Variants in GAREM1 observed in about 807,000 individuals in gnomAD.
The protein encoded by GAREM1 is GRB2-associated and regulator of MAPK protein 1.
In GAREM1, 26 loss-of-function variants were observed where a neutral mutation model predicts 71.3. That is an observed-to-expected ratio of 0.36 (90% CI 0.27 to 0.51). The LOEUF (loss-of-function observed/expected upper bound fraction) is 0.51. Ranked by LOEUF, GAREM1 falls within the 20% of genes least tolerant of loss-of-function variation. The pLI is 0.95. For synonymous variants in GAREM1, 440 were observed against 433.2 expected (o/e 1.02, Z -0.20); for missense variants, 1,026 against 1,103.1 (o/e 0.93, Z 0.99).
chr18:32,324,778 C>A (rs1007921473), intron 2 of GAREM1, among the ~76,000 whole-genome samples: 1 of 152,160 alleles, frequency 6.6e-6, no homozygotes, highest in Admixed American at 6.5e-5. Flanking sequence ...GCAAGGCAAT[C>A]AAGCCATGAA....
chr18:32,404,454 A>C (rs949341143), intron 1 of GAREM1, among the ~76,000 whole-genome samples: 6 of 102,744 alleles, frequency 5.8e-5, no homozygotes, highest in Non-Finnish European at 9.6e-5. Flanking sequence ...ATGTTGCACA[A>C]AAAAAAAAAC....
intron 4 of GAREM1, among the ~76,000 whole-genome samples, chr18:32,280,819 C>T (rs1167275261): frequency 6.6e-6 from 1 of 152,114 alleles, no homozygotes; most frequent in East Asian, 1.9e-4. Context: ...CTGACTGACC[C>T]CCGTGGTAGC....
chr18:32,301,204 C>T (rs2047198270), intron 3 of GAREM1, among the ~76,000 whole-genome samples: 1 of 152,140 alleles, frequency 6.6e-6, no homozygotes, highest in African/African-American at 2.4e-5. Context: ...GTCGGTGTAT[C>T]TTTAACACTG....
In GAREM1 at chr18:32,393,039, G is replaced by A. The variant is rs1432546511; in HGVS notation, c.122-4C>T. The A allele has an allele frequency of 1.2e-6, 2 of 1,609,882 alleles. No individual in the cohort carries two copies. The highest frequency in any genetic ancestry group is 2.2e-5 in the South Asian group (2 of 90,618). On this transcript the variant is annotated splice_region_variant and splice_polypyrimidine_tract_variant and intron_variant, in intron 1 of 5. Coordinates refer to ENST00000269209, the MANE Select transcript of GAREM1 (RefSeq NM_001242409.2). The stretch of plus-strand genomic sequence containing the variant: ...CGCAGCCCTTCTACGCACTCTCCTA[G>A]GAAATACAATTTTATATGAGAAACT...
chr18:32,369,043 A>T (rs1057169474), intron 2 of GAREM1, among the ~76,000 whole-genome samples: 1 of 152,250 alleles, frequency 6.6e-6, no homozygotes, highest in African/African-American at 2.4e-5. Context: ...CTGTCGTGGC[A>T]TACAAATGCT....
intron 2 of GAREM1, among the ~76,000 whole-genome samples, chr18:32,340,766 T>C (rs2047640268): frequency 6.6e-6 from 1 of 152,124 alleles, no homozygotes; most frequent in Non-Finnish European, 1.5e-5. Flanking sequence ...CATAGGGAAG[T>C]GCAAAGTAAA....
chr18:32,431,421 A>G (rs1362958082), intron 1 of GAREM1, among the ~76,000 whole-genome samples: 2 of 152,146 alleles, frequency 1.3e-5, no homozygotes, highest in Admixed American at 6.5e-5. Flanking sequence ...CGAGGCCTGG[A>G]GTTCAAGACC....
chr18:32,312,795 G>A (rs138143328), intron 2 of GAREM1, among the ~76,000 whole-genome samples: 7 of 152,274 alleles, frequency 4.6e-5, no homozygotes, highest in African/African-American at 1.4e-4. Context: ...GGCAGAGAAC[G>A]TGCATCTGAT....
intron 1 of GAREM1, among the ~76,000 whole-genome samples, chr18:32,434,538 C>A (rs896360122): frequency 1.3e-5 from 2 of 151,838 alleles, no homozygotes; most frequent in African/African-American, 4.8e-5. Flanking sequence ...AATTAGAGTT[C>A]CCTATGGCCA....
At chr18:32,422,518 T>C (rs1052098914) in intron 1 of GAREM1, among the ~76,000 whole-genome samples, 15 of 152,216 alleles carry the variant, frequency 9.9e-5, no homozygotes, top group African/African-American at 3.6e-4. Flanking sequence ...TGATGCTCAA[T>C]GTATGTTTCC....
chr18:32,377,553 T>TA (rs2048043022), intron 2 of GAREM1, among the ~76,000 whole-genome samples: 1 of 152,108 alleles, frequency 6.6e-6, no homozygotes, highest in Non-Finnish European at 1.5e-5. Flanking sequence ...AGAACCAGGA[T>TA]AAAAAAGAGA....
intron 1 of GAREM1, among the ~76,000 whole-genome samples, chr18:32,433,162 A>C (rs1352767085): frequency 1.3e-5 from 2 of 151,906 alleles, no homozygotes; most frequent in African/African-American, 2.4e-5. Flanking sequence ...GCAAAAAAAA[A>C]ACAACCCCAC....
chr18:32,368,443 C>A (rs2047945921), intron 2 of GAREM1, among the ~76,000 whole-genome samples: 1 of 152,202 alleles, frequency 6.6e-6, no homozygotes, highest in Non-Finnish European at 1.5e-5. Context: ...TCACAGCTCT[C>A]AAGCTACTTT....
chr18:32,389,567 C>T (rs1350710914), intron 2 of GAREM1, among the ~76,000 whole-genome samples: 1 of 152,044 alleles, frequency 6.6e-6, no homozygotes, highest in Admixed American at 6.6e-5. Context: ...GGCTTTACTA[C>T]TCTGTTAAAC....
At chr18:32,369,200 G>C (rs893544786) in intron 2 of GAREM1, among the ~76,000 whole-genome samples, 7 of 152,218 alleles carry the variant, frequency 4.6e-5, no homozygotes, top group Admixed American at 2.0e-4. Context: ...GGGCCCATAT[G>C]CTGCTTTGAA....
chr18:32,273,577 A>G (rs2041495195), intron 4 of GAREM1, among the ~76,000 whole-genome samples: 1 of 152,186 alleles, frequency 6.6e-6, no homozygotes, highest in African/African-American at 2.4e-5. Context: ...TTTCTAAGCT[A>G]AAGGGCCTGG....
At chr18:32,369,886 T>C (rs1381563588) in intron 2 of GAREM1, among the ~76,000 whole-genome samples, 1 of 152,230 alleles carries the variant, frequency 6.6e-6, no homozygotes, top group Non-Finnish European at 1.5e-5. Context: ...CCTCTAGTCC[T>C]GGGTCCACTG....
At position 32,357,012 on chromosome 18, in the gene GAREM1, G is replaced by A. The variant is rs928110237; in HGVS notation, c.262+35883C>T. On this transcript the variant is annotated intron_variant, in intron 2 of 5. Transcript: ENST00000269209. ...CCCACAGCCTTCGTAGCACAATCCC[G>A]TGCTACTCTGCCCCTTCCTTTCTGA... Among the ~76,000 whole-genome samples the A allele has an allele frequency of 5.3e-5, 8 of 152,124 alleles. No individual in the cohort carries two copies. In the South Asian group the frequency reaches 1.0e-3, roughly 20 times the overall value.
rs1036744444 is a variant in GAREM1, at chr18:32,263,684, C to A, written c.*4187G>T. 1 of 152,048 alleles carries A rather than the reference C, an allele frequency of 6.6e-6. No individual in the cohort carries two copies. The highest frequency in any genetic ancestry group is 1.5e-5 in the Non-Finnish European group (1 of 67,994). The allele number at this position is 152,048 out of a possible 1,614,324, so 9.4% of individuals were successfully genotyped here. On this transcript the variant is annotated 3_prime_UTR_variant, in exon 6 of 6. Coordinates refer to ENST00000269209, the MANE Select transcript of GAREM1 (RefSeq NM_001242409.2). Reference sequence around the variant, plus strand: ...CATTGTTAACTGGTAGTTAACAACCCAAGTTTTCCAAGCAAAGAAACTGTA... The same window carrying A: ...CATTGTTAACTGGTAGTTAACAACCAAAGTTTTCCAAGCAAAGAAACTGTA...
Sources: gnomAD v4.1 joint callset for allele counts (sites outside exome capture counted in the v4.1 genomes callset) on GRCh38, gnomAD v4.1.1 for gene constraint, MANE v1.5 for transcripts, NCBI Gene and HGNC (gene_info 2026-07-23, HGNC 2026-07-21) for gene names.